OCA2: variants seen among roughly 807,000 people sequenced by gnomAD.
The protein encoded by OCA2 is P protein.
OCA2 carries 77 observed loss-of-function variants against 100.2 expected under a neutral mutation model. The ratio of observed to expected loss-of-function variants is 0.77; its 90% confidence interval spans 0.64 to 0.93. The LOEUF is 0.93. OCA2 is among the 40% of genes least tolerant of loss of function. The pLI, the probability that OCA2 is intolerant of heterozygous loss-of-function variation, is 0.00. For missense variants in OCA2, 1,062 were observed against 1,089.1 expected (o/e 0.98, Z 0.35); for synonymous variants, 432 against 439.2 (o/e 0.98, Z 0.21).
At chr15:27,739,793 T>C in the OCA2 span, among the ~76,000 whole-genome samples, 2 of 152,110 alleles carry the variant, frequency 1.3e-5, no homozygotes, top group Non-Finnish European at 2.9e-5. Context: ...TCCAACCGGA[T>C]CTACCTCAGG....
In OCA2 at chr15:27,755,301, C is replaced by G. The variant is rs187757375; in HGVS notation, c.*87G>C. 7.3e-5 allele frequency: 71 copies of G among 978,306 alleles called. 1 individual carries two copies. The African/African-American group carries it at 1.1e-3, about 14-fold the overall frequency. The allele number at this position is 978,306 out of a possible 1,614,324, so 60.6% of individuals were successfully genotyped here. ...TCCAGGGTAAGCACCTTTTCTTCTT[C>G]AAACAGTGGGGTCAGGGTAGTTTTA... On this transcript the variant is annotated 3_prime_UTR_variant, in exon 24 of 24. Transcript: ENST00000354638.
chr15:27,859,657 C>T (rs1010809984), intron 21 of OCA2, among the ~76,000 whole-genome samples: 12 of 152,178 alleles, frequency 7.9e-5, no homozygotes, highest in African/African-American at 2.9e-4. Flanking sequence ...GGGAATACTT[C>T]CTAACTCATT....
the OCA2 span, among the ~76,000 whole-genome samples, chr15:27,738,455 G>A: frequency 1.3e-5 from 2 of 152,198 alleles, no homozygotes; most frequent in Non-Finnish European, 2.9e-5. Flanking sequence ...TCAACGCCGG[G>A]CCGGGCGCGG....
In OCA2 at chr15:27,797,408, G is replaced by C. The variant is rs139436519; in HGVS notation, c.2433-41936C>G. 2.4e-3 allele frequency among the ~76,000 whole-genome samples: 360 copies of C among 152,258 alleles called. 1 individual carries two copies. The highest frequency in any genetic ancestry group is 8.2e-3 in the African/African-American group (339 of 41,560). On this transcript the variant is annotated intron_variant, in intron 23 of 23. Coordinates refer to ENST00000354638, the MANE Select transcript of OCA2 (RefSeq NM_000275.3). ...GAAATTTAGAATTGATGTTGGCTGT[G>C]CTAGACCTTGACCTTAAGGGAAGGA...
Position 28,014,947 on chromosome 15 carries a change from G to T in OCA2, c.891-18C>A. ...CCGTCTCTCTGCAGAACGAAACAAC[G>T]ACCTTACTGTTCACAAGGTCAACAG... On this transcript the variant is annotated intron_variant, in intron 8 of 23. Coordinates refer to ENST00000354638, the MANE Select transcript of OCA2 (RefSeq NM_000275.3). 1 of 1,613,826 alleles carries T rather than the reference G, an allele frequency of 6.2e-7. No homozygotes were observed. The highest frequency in any genetic ancestry group is 1.1e-5 in the South Asian group (1 of 90,978).
intron 14 of OCA2, among the ~76,000 whole-genome samples, chr15:27,972,014 G>T (rs2040808171): frequency 6.6e-6 from 1 of 152,104 alleles, no homozygotes; most frequent in African/African-American, 2.4e-5. Context: ...CTCGTTACCA[G>T]TGTATGCCTT....
chr15:27,877,439 A>G (rs916271599), intron 19 of OCA2, among the ~76,000 whole-genome samples: 3 of 151,824 alleles, frequency 2.0e-5, no homozygotes, highest in Non-Finnish European at 4.4e-5. Context: ...ATCTTCTTCT[A>G]TGATTGTGGA....
chr15:27,758,189 G>A (rs4411468), intron 23 of OCA2, among the ~76,000 whole-genome samples: 42,368 of 151,910 alleles, frequency 0.28, 7,526 homozygotes, highest in East Asian at 0.64. Flanking sequence ...CATATATCCT[G>A]GACTAGGTGC....
At chr15:27,899,924 C>G (rs2594898) in intron 19 of OCA2, among the ~76,000 whole-genome samples, 119,804 of 152,058 alleles carry the variant, frequency 0.79, 48,270 homozygotes, top group East Asian at 1. Flanking sequence ...CCCACTTCAG[C>G]AATTTTTGCC....
intron 1 of OCA2, among the ~76,000 whole-genome samples, chr15:28,095,397 GT>G (rs2044956365): frequency 6.6e-6 from 1 of 152,202 alleles, no homozygotes; most frequent in African/African-American, 2.4e-5. Flanking sequence ...TCAACAGCGT[GT>G]GGAAAACAGC....
At chr15:27,758,753 T>G (rs1037339044) in intron 23 of OCA2, among the ~76,000 whole-genome samples, 2 of 152,084 alleles carry the variant, frequency 1.3e-5, no homozygotes, top group African/African-American at 4.8e-5. Flanking sequence ...ATCGGTGAAC[T>G]TGAAGATACA....
At chr15:27,797,075 G>A (rs1036678765) in intron 23 of OCA2, among the ~76,000 whole-genome samples, 5 of 152,270 alleles carry the variant, frequency 3.3e-5, no homozygotes, top group East Asian at 1.9e-4. Context: ...GGTCCCCTGC[G>A]CTGCTGCCTC....
At chr15:28,054,462 C>T (rs11857677) in intron 2 of OCA2, among the ~76,000 whole-genome samples, 14,017 of 152,216 alleles carry the variant, frequency 0.092, 827 homozygotes, top group African/African-American at 0.16. Flanking sequence ...TTTTCTGATC[C>T]TGGCAACACC....
At chr15:27,781,683 T>C (rs1012989855) in intron 23 of OCA2, among the ~76,000 whole-genome samples, 3 of 152,234 alleles carry the variant, frequency 2.0e-5, no homozygotes, top group Non-Finnish European at 4.4e-5. Flanking sequence ...TAATATGCTA[T>C]TTACTCTCTG....
At chr15:27,946,114 C>T (rs1483692906) in intron 18 of OCA2, among the ~76,000 whole-genome samples, 1 of 152,116 alleles carries the variant, frequency 6.6e-6, no homozygotes, top group Non-Finnish European at 1.5e-5. Context: ...GGCCCTGAAC[C>T]TCTCAGGGTG....
Position 27,922,678 on chromosome 15 carries a change from GGGGTGTGTGT to G in OCA2, c.2079+3439_2079+3448del, listed in dbSNP as rs1048053030. On this transcript the variant is annotated intron_variant, in intron 19 of 23. Coordinates refer to ENST00000354638, the MANE Select transcript of OCA2 (RefSeq NM_000275.3). ...ACATAGCTTTTGTGGTTTTTTGTTTGGGGTGTGTGTGTGTGTGTGTGTGTGTGTGTGTGTG... is the reference window on the plus strand; with the variant it reads ...ACATAGCTTTTGTGGTTTTTTGTTTGGTGTGTGTGTGTGTGTGTGTGTGTG... Among the ~76,000 whole-genome samples, 16 of 99,004 alleles carry G rather than the reference GGGGTGTGTGT, an allele frequency of 1.6e-4. No individual in the cohort carries two copies. The East Asian group carries it at 2.6e-3, about 16-fold the overall frequency. The allele number at this position is 99,004 out of a possible 152,430, so 65.0% of individuals were successfully genotyped here.
chr15:27,745,720 AC>A, the OCA2 span, among the ~76,000 whole-genome samples: 2 of 152,182 alleles, frequency 1.3e-5, no homozygotes, highest in African/African-American at 4.8e-5. Context: ...AGATTCTGGC[AC>A]CTTTTAAAGG....
intron 19 of OCA2, among the ~76,000 whole-genome samples, chr15:27,897,614 C>T (rs1166463089): frequency 1.3e-5 from 2 of 152,220 alleles, no homozygotes; most frequent in Admixed American, 1.3e-4. Flanking sequence ...GAGAAGTTTG[C>T]TGCAGGGGCG....
intron 1 of OCA2, among the ~76,000 whole-genome samples, chr15:28,088,967 G>T (rs2044826024): frequency 1.3e-5 from 2 of 152,166 alleles, no homozygotes; most frequent in South Asian, 4.1e-4. Context: ...GGAGACCAGG[G>T]CTTATTTCAT....
Sources: allele counts gnomAD v4.1 joint callset (sites outside exome capture counted in the v4.1 genomes callset), GRCh38; gene constraint gnomAD v4.1.1; transcripts MANE v1.5; gene names NCBI Gene and HGNC (gene_info 2026-07-23, HGNC 2026-07-21).